SUCO: variants seen among roughly 807,000 people sequenced by gnomAD.
SUCO encodes the protein SUN domain containing ossification factor.
Under a neutral mutation model 148.1 loss-of-function variants are expected in SUCO, and 57 were observed. The observed-to-expected ratio is 0.38, with a 90% CI of 0.31 to 0.48. The LOEUF is 0.48. Ranked by LOEUF, SUCO falls within the 20% of genes least tolerant of loss-of-function variation. The probability of loss-of-function intolerance (pLI) is 0.96; values close to 1 mark genes in which losing one functional copy is unlikely to be tolerated. For synonymous variants in SUCO, 470 were observed against 502.7 expected (o/e 0.93, Z 0.87); for missense variants, 1,331 against 1,468.2 (o/e 0.91, Z 1.53).
upstream of SUCO, chr1:172,532,461 G>T (rs751039651): frequency 1.3e-6 from 2 of 1,597,530 alleles, no homozygotes; most frequent in African/African-American, 1.3e-5. Context: ...GTTTTCCGCT[G>T]CAACCAATCA....
At chr1:172,549,057 G>A (rs1221554088) in intron 1 of SUCO, among the ~76,000 whole-genome samples, 2 of 151,670 alleles carry the variant, frequency 1.3e-5, no homozygotes, top group African/African-American at 2.4e-5. Context: ...ATAATAAATC[G>A]CTGTCTTAAT....
intron 1 of SUCO, among the ~76,000 whole-genome samples, chr1:172,550,511 A>G (rs922977547): frequency 3.3e-5 from 5 of 152,052 alleles, no homozygotes; most frequent in South Asian, 4.1e-4. Context: ...GAATTTTCCA[A>G]TTATATAAAC....
In SUCO at chr1:172,572,057, C is replaced by T. The variant is rs376516658; in HGVS notation, c.1049+1327C>T. 1.5e-3 allele frequency among the ~76,000 whole-genome samples: 101 copies of T among 67,212 alleles called. 2 individuals are homozygous for T. In the East Asian group the frequency reaches 0.029, roughly 19 times the overall value. The allele number at this position is 67,212 out of a possible 152,430, so 44.1% of individuals were successfully genotyped here. ...GGGGTCAGCCCCCCGCCCGGCCAGC[C>T]GCCCCGTCCGGGAGGGAGGTGGGGG... is the stretch of plus-strand genomic sequence containing the variant. On this transcript the variant is annotated intron_variant, in intron 9 of 23. Coordinates refer to ENST00000263688, the MANE Select transcript of SUCO (RefSeq NM_014283.5).
chr1:172,539,989 T>C (rs1462352655), intron 1 of SUCO, among the ~76,000 whole-genome samples: 1 of 152,260 alleles, frequency 6.6e-6, no homozygotes, highest in Non-Finnish European at 1.5e-5. Context: ...TTTTCATTGT[T>C]AATATGAACA....
intron 9 of SUCO, among the ~76,000 whole-genome samples, chr1:172,573,167 C>T (rs528728809): frequency 9.5e-4 from 145 of 152,240 alleles, no homozygotes; most frequent in African/African-American, 3.1e-3. Flanking sequence ...AGATAACAAA[C>T]ATATCCATCA....
At chr1:172,600,882 A>G (rs756816131) in intron 20 of SUCO, among the ~76,000 whole-genome samples, 18 of 152,172 alleles carry the variant, frequency 1.2e-4, no homozygotes, top group Non-Finnish European at 1.9e-4. Context: ...GAACTAGGGC[A>G]AAGGACTGGA....
intron 20 of SUCO, 145 bp downstream of exon 20, chr1:172,600,313 G>T: frequency 1.6e-6 from 1 of 627,110 alleles, no homozygotes; most frequent in Non-Finnish European, 2.8e-6. Flanking sequence ...ACCAGAATAT[G>T]GCATTTTTAA....
rs777903750 is a variant in SUCO, at chr1:172,610,252, A to T, written c.3758A>T (p.His1253Leu). The change falls in exon 24 of 24, where the codon CAT (histidine) becomes CTT (leucine). Residue 1253 changes from histidine to leucine, a missense_variant. Coordinates refer to ENST00000263688, the MANE Select transcript of SUCO (RefSeq NM_014283.5). ...TTTGGTGTTACAGCAGTCTCGGGAC[A>T]TATCTAAAATTAATTGAACTTTTCA... Reference protein sequence around the residue: ...GTFGVTAVSGHI With the variant: ...GTFGVTAVSGLI The T allele has an allele frequency of 6.4e-7, 1 of 1,574,694 alleles. No homozygotes were observed. Among genetic ancestry groups the T allele is most frequent in the East Asian group, 2.2e-5 (1 of 44,600 alleles).
chr1:172,538,057 A>G (rs373111258), intron 1 of SUCO, among the ~76,000 whole-genome samples: 1 of 152,134 alleles, frequency 6.6e-6, no homozygotes, highest in South Asian at 2.1e-4. Context: ...TTTGATTATC[A>G]TGCAGATGAA....
At chr1:172,576,775 C>T (rs1030687992) in intron 11 of SUCO, 55 of 418,388 alleles carry the variant, frequency 1.3e-4, no homozygotes, top group Non-Finnish European at 1.7e-4. Context: ...TATAAAAAAC[C>T]TTCTTTGGTA....
intron 1 of SUCO, among the ~76,000 whole-genome samples, chr1:172,545,161 G>A (rs143631140): frequency 6.6e-6 from 1 of 152,296 alleles, no homozygotes; most frequent in Non-Finnish European, 1.5e-5. Context: ...TTTGGAAAAG[G>A]AAGCTAATGT....
intron 22 of SUCO, 31 bp downstream of exon 22, chr1:172,602,818 T>A (rs1206118641): frequency 2.6e-6 from 4 of 1,543,222 alleles, no homozygotes; most frequent in Non-Finnish European, 3.6e-6. Context: ...AATATGTATA[T>A]ATAAACATGA....
At chr1:172,573,235 G>A (rs1655179712) in intron 9 of SUCO, among the ~76,000 whole-genome samples, 1 of 152,082 alleles carries the variant, frequency 6.6e-6, no homozygotes, top group East Asian at 1.9e-4. Flanking sequence ...TTCCCCCACA[G>A]CAATTACAGA....
chr1:172,533,098 G>A, upstream of SUCO: 1 of 1,428,606 alleles, frequency 7.0e-7, no homozygotes. Context: ...AGTACGCGGC[G>A]GCCGTTGGTC....
rs73034025 is a variant in SUCO, at chr1:172,568,981, A to T, written c.733-38A>T. 472 of 1,518,796 alleles carry T rather than the reference A, an allele frequency of 3.1e-4. 3 individuals carry two copies. In the African/African-American group the frequency reaches 6.0e-3, roughly 19 times the overall value. 94.1% of individuals were successfully genotyped at this position (1,518,796 alleles called of 1,614,324 possible). ...TTCTAAAATTTATTTGTATTATTTG[A>T]AAGTTGAAGTCTTCTTACTTTTTGG... is the stretch of plus-strand genomic sequence containing the variant. On this transcript the variant is annotated intron_variant, in intron 6 of 23. Coordinates refer to ENST00000263688, the MANE Select transcript of SUCO (RefSeq NM_014283.5).
In SUCO at chr1:172,589,394, A is replaced by G; in HGVS notation, c.2293A>G (p.Ile765Val). The G allele has an allele frequency of 6.2e-7, 1 of 1,613,820 alleles. No individual in the cohort carries two copies. The highest frequency in any genetic ancestry group is 1.1e-5 in the South Asian group (1 of 91,056). ...YEAGHIPSPV[I>V]PQESSVEIDN... Reference sequence around the variant, plus strand: ...GGCAGGACATATACCATCACCAGTGATTCCCCAAGAGAGTTCTGTTGAGAT... The same window carrying G: ...GGCAGGACATATACCATCACCAGTGGTTCCCCAAGAGAGTTCTGTTGAGAT... The change falls in exon 18 of 24, where the codon ATT becomes GTT. Residue 765 changes from isoleucine to valine, a missense_variant. Physicochemically the swap from Ile to Val is conservative, Grantham distance 29. This residue lies in a region of SUCO where 992 missense variants were observed against 1,093.5 expected (regional missense o/e 0.91). Coordinates refer to ENST00000263688, the MANE Select transcript of SUCO (RefSeq NM_014283.5).
Position 172,590,367 on chromosome 1 carries a change from A to C in SUCO, c.2825+441A>C. On this transcript the variant is annotated intron_variant, in intron 18 of 23. Coordinates refer to ENST00000263688, the MANE Select transcript of SUCO (RefSeq NM_014283.5). ...TGGACTGAACTGGATGATTGGGCAC[A>C]TTTGCAGTTTGCTCTCTTTTAAACA... The C allele has an allele frequency of 3.0e-6, 3 of 985,178 alleles. No homozygotes were observed. In the South Asian group the frequency reaches 1.4e-4, roughly 46 times the overall value. The allele number at this position is 985,178 out of a possible 1,614,324, so 61.0% of individuals were successfully genotyped here. A position where few individuals can be genotyped will look rare whatever the true frequency, so the allele number is the denominator to read the frequency against.
At chr1:172,592,925 C>T (rs1355829739) in intron 19 of SUCO, among the ~76,000 whole-genome samples, 2 of 152,162 alleles carry the variant, frequency 1.3e-5, no homozygotes, top group African/African-American at 4.8e-5. Context: ...GATGTTCTTC[C>T]ATTTGTTTGT....
At chr1:172,575,651 T>C (rs766476282) in intron 11 of SUCO, 28 bp downstream of exon 11, 2 of 1,462,420 alleles carry the variant, frequency 1.4e-6, no homozygotes, top group Non-Finnish European at 9.5e-7. Flanking sequence ...AGGACTATGT[T>C]CTATAATGAA....
Sources: gnomAD v4.1 joint callset for allele counts (sites outside exome capture counted in the v4.1 genomes callset) on GRCh38, gnomAD v4.1.1 for gene constraint, gnomAD v4.1.1 regional missense constraint, MANE v1.5 for transcripts, NCBI Gene and HGNC (gene_info 2026-07-23, HGNC 2026-07-21) for gene names.